CCR5AS: variants seen among roughly 807,000 people sequenced by gnomAD.
The protein encoded by CCR5AS is CCR5 antisense RNA.
At chr3:46,399,644 G>A (rs892310916) in intron 1 of CCR5AS, among the ~76,000 whole-genome samples, 1 of 152,208 alleles carries the variant, frequency 6.6e-6, no homozygotes, top group Non-Finnish European at 1.5e-5. Context: ...GATCCAGAGT[G>A]CAGGGGGAGA....
At chr3:46,398,846 C>A (rs1701984303) in intron 1 of CCR5AS, among the ~76,000 whole-genome samples, 1 of 152,096 alleles carries the variant, frequency 6.6e-6, no homozygotes, top group African/African-American at 2.4e-5. Flanking sequence ...CTCAGGATTT[C>A]TTTATTTTCC....
At chr3:46,377,555 C>G (rs1052809228) in intron 2 of CCR5AS, among the ~76,000 whole-genome samples, 2 of 152,192 alleles carry the variant, frequency 1.3e-5, no homozygotes, top group African/African-American at 4.8e-5. Flanking sequence ...ATTAAATTTA[C>G]AAATCATTTA....
At chr3:46,386,028 C>T (rs1701857998) in intron 2 of CCR5AS, among the ~76,000 whole-genome samples, 1 of 152,138 alleles carries the variant, frequency 6.6e-6, no homozygotes, top group Non-Finnish European at 1.5e-5. Context: ...CCTCCAACCT[C>T]AGCCCCCCAA....
intron 2 of CCR5AS, among the ~76,000 whole-genome samples, chr3:46,380,570 A>G (rs946632307): frequency 6.6e-5 from 10 of 152,182 alleles, no homozygotes; most frequent in Admixed American, 5.2e-4. Context: ...CCTAAGCCCC[A>G]GAGACTCTGA....
intron 1 of CCR5AS, among the ~76,000 whole-genome samples, chr3:46,395,365 G>T (rs1209547395): frequency 6.6e-6 from 1 of 152,108 alleles, no homozygotes; most frequent in Admixed American, 6.5e-5. Flanking sequence ...GGCAGTGGAT[G>T]CCGTAGGGGT....
intron 2 of CCR5AS, among the ~76,000 whole-genome samples, chr3:46,390,713 G>A (rs1257193107): frequency 1.3e-5 from 2 of 152,100 alleles, no homozygotes; most frequent in Non-Finnish European, 2.9e-5. Flanking sequence ...ACTCAGGGAA[G>A]CAGATAATTT....
At chr3:46,385,171 A>G (rs922557765) in intron 2 of CCR5AS, among the ~76,000 whole-genome samples, 1 of 152,174 alleles carries the variant, frequency 6.6e-6, no homozygotes, top group African/African-American at 2.4e-5. Context: ...TCACGTGTTA[A>G]TTCAGCATTT....
chr3:46,373,256 C>T (rs1290974597), intron 2 of CCR5AS: 11 of 1,614,058 alleles, frequency 6.8e-6, no homozygotes, highest in Admixed American at 1.7e-5. Context: ...GAATCTTCTT[C>T]ATCATCCTCC....
At chr3:46,402,101 A>C (rs1195714995) in intron 1 of CCR5AS, among the ~76,000 whole-genome samples, 1 of 152,016 alleles carries the variant, frequency 6.6e-6, no homozygotes, top group African/African-American at 2.4e-5. Flanking sequence ...TTTTTTTTAC[A>C]CTTTTTAGCA....
At chr3:46,367,582 G>A (rs926489019) in intron 3 of CCR5AS, among the ~76,000 whole-genome samples, 28 of 152,166 alleles carry the variant, frequency 1.8e-4, no homozygotes, top group African/African-American at 6.7e-4. Context: ...TGTTTGTTTG[G>A]TTTGGTTTTG....
chr3:46,368,586 C>A (rs1285658011), intron 3 of CCR5AS, among the ~76,000 whole-genome samples: 1 of 152,196 alleles, frequency 6.6e-6, no homozygotes, highest in Non-Finnish European at 1.5e-5. Flanking sequence ...GCCTGTGAAT[C>A]CTCACCTTGT....
intron 2 of CCR5AS, among the ~76,000 whole-genome samples, chr3:46,376,760 G>A (rs1342499205): frequency 1.3e-5 from 2 of 152,182 alleles, no homozygotes; most frequent in Non-Finnish European, 2.9e-5. Context: ...CCCTGAGAGA[G>A]GACAGGTGCT....
At chr3:46,381,178 C>A (rs1458340652) in intron 2 of CCR5AS, among the ~76,000 whole-genome samples, 1 of 152,178 alleles carries the variant, frequency 6.6e-6, no homozygotes, top group Admixed American at 6.5e-5. Context: ...TTGGCAACTT[C>A]AAATTCAATA....
At chr3:46,365,772 C>A (rs1300223797) in intron 3 of CCR5AS, among the ~76,000 whole-genome samples, 1 of 152,196 alleles carries the variant, frequency 6.6e-6, no homozygotes, top group Admixed American at 6.5e-5. Context: ...GTGCTGGGCT[C>A]ATCTCACCCA....
At chr3:46,400,053 G>T (rs1409338662) in intron 1 of CCR5AS, among the ~76,000 whole-genome samples, 1 of 152,084 alleles carries the variant, frequency 6.6e-6, no homozygotes, top group Non-Finnish European at 1.5e-5. Context: ...AGTAGTAGTA[G>T]CACAATCACA....
At chr3:46,397,290 G>A (rs373468954) in intron 1 of CCR5AS, among the ~76,000 whole-genome samples, 127 of 152,348 alleles carry the variant, frequency 8.3e-4, no homozygotes, top group Middle Eastern at 3.4e-3. Flanking sequence ...CCAGTGCCAC[G>A]AGGACAGAGG....
intron 1 of CCR5AS, among the ~76,000 whole-genome samples, chr3:46,398,929 C>T (rs569637525): frequency 3.3e-5 from 5 of 152,202 alleles, no homozygotes; most frequent in East Asian, 1.9e-4. Context: ...CATGTTTCAA[C>T]GTTTTGATGT....
intron 1 of CCR5AS, among the ~76,000 whole-genome samples, chr3:46,400,625 T>C (rs1010463344): frequency 8.6e-5 from 13 of 151,980 alleles, no homozygotes; most frequent in Middle Eastern, 6.8e-3. Flanking sequence ...ACTAGTGGAG[T>C]GAAACCGAAG....
At chr3:46,366,330 A>G (rs1433148546) in intron 3 of CCR5AS, among the ~76,000 whole-genome samples, 4 of 152,198 alleles carry the variant, frequency 2.6e-5, no homozygotes, top group African/African-American at 9.6e-5. Flanking sequence ...TGCAGAGCTG[A>G]GTATAGAGCT....
Sources: allele counts gnomAD v4.1 joint callset (sites outside exome capture counted in the v4.1 genomes callset), GRCh38; gene constraint gnomAD v4.1.1; transcripts MANE v1.5; gene names NCBI Gene and HGNC (gene_info 2026-07-23, HGNC 2026-07-21).